TACC1: variants seen among roughly 807,000 people sequenced by gnomAD.
TACC1 encodes transforming acidic coiled-coil containing protein 1.
A neutral mutation model predicts 84.4 loss-of-function variants in TACC1; 48 were observed. The ratio of observed to expected loss-of-function variants is 0.57; its 90% CI spans 0.45 to 0.72. TACC1 has a LOEUF of 0.72. TACC1 is among the 30% of genes least tolerant of loss of function. TACC1 has a pLI of 0.00. For missense variants in TACC1, 920 were observed against 973.0 expected (o/e 0.95, Z 0.72); for synonymous variants, 372 against 376.3 (o/e 0.99, Z 0.13).
In TACC1 at chr8:38,774,470, A is replaced by T. The variant is rs550124548; in HGVS notation, c.27-14234A>T. 6.1e-4 allele frequency among the ~76,000 whole-genome samples: 93 copies of T among 152,266 alleles called. 1 individual carries two copies. In the South Asian group the frequency reaches 0.014, roughly 23 times the overall value. On this transcript the variant is annotated intron_variant, in intron 3 of 14. Transcript: ENST00000518415. ...GAACATATGTATTATTTTGCCTTAA[A>T]CACTAAAGGTATTTAAAAATACATT... is the stretch of plus-strand genomic sequence containing the variant.
At chr8:38,806,448 C>CTG (rs763243623) in intron 2 of TACC1, among the ~76,000 whole-genome samples, 2,192 of 149,936 alleles carry the variant, frequency 0.015, 25 homozygotes, top group African/African-American at 0.021. Flanking sequence ...CATGGTCTGC[C>CTG]TGTGTGTGTG....
intron 1 of TACC1, among the ~76,000 whole-genome samples, chr8:38,739,170 C>G (rs1468377705): frequency 2.0e-5 from 3 of 151,996 alleles, no homozygotes; most frequent in African/African-American, 7.3e-5. Context: ...GCCACTGCAC[C>G]CAGCCCATGT....
chr8:38,846,383 T>A (rs1832288897), intron 11 of TACC1: 1 of 174,600 alleles, frequency 5.7e-6, no homozygotes, highest in Non-Finnish European at 1.2e-5. Context: ...GTGGTTAGTA[T>A]CCCAACTCTA....
chr8:38,784,581 A>AT (rs992432598), upstream of TACC1, among the ~76,000 whole-genome samples: 2 of 151,826 alleles, frequency 1.3e-5, no homozygotes, highest in East Asian at 1.9e-4. Context: ...AAAAAAAAAA[A>AT]GTAAATTGCT....
chr8:38,848,117 C>CA lies in TACC1; in HGVS notation c.*95dup. On this transcript the variant is annotated 3_prime_UTR_variant, in exon 13 of 13. Transcript: ENST00000317827. ...TTATCCAGGAATAATTGCCCCTTTG[C>CA]AGAGAAAAAAAAAAACTTAAAAAAA... 8.1e-7 allele frequency: 1 copy of CA among 1,235,826 alleles called. No individual in the cohort carries two copies. Among genetic ancestry groups the CA allele is most frequent in the African/African-American group, 1.5e-5 (1 of 64,994 alleles). 76.6% of individuals were successfully genotyped at this position (1,235,826 alleles called of 1,614,324 possible). A position where few individuals can be genotyped will look rare whatever the true frequency, so the allele number is the denominator to read the frequency against.
chr8:38,812,453 G>A (rs547132725), intron 2 of TACC1, among the ~76,000 whole-genome samples: 166 of 152,142 alleles, frequency 1.1e-3, no homozygotes, highest in African/African-American at 3.6e-3. Flanking sequence ...CAGACTGGCC[G>A]ACACTTAGGA....
At chr8:38,835,249 G>A (rs1159742271) in intron 6 of TACC1, among the ~76,000 whole-genome samples, 18 of 146,878 alleles carry the variant, frequency 1.2e-4, no homozygotes, top group South Asian at 2.1e-4. Context: ...GTGAGACCCC[G>A]TCTCAAAAAA....
chr8:38,772,741 T>G (rs932951236), intron 3 of TACC1, among the ~76,000 whole-genome samples: 2 of 152,068 alleles, frequency 1.3e-5, no homozygotes, highest in African/African-American at 2.4e-5. Flanking sequence ...TGTTAAATGT[T>G]AATAAATGTA....
intron 1 of TACC1, among the ~76,000 whole-genome samples, chr8:38,739,680 T>C (rs1806697034): frequency 6.6e-6 from 1 of 152,278 alleles, no homozygotes; most frequent in Non-Finnish European, 1.5e-5. Context: ...TAAAGTTCTA[T>C]GTGTTTTGAC....
intron 2 of TACC1, among the ~76,000 whole-genome samples, chr8:38,799,390 A>G (rs1820807390): frequency 6.6e-6 from 1 of 152,248 alleles, no homozygotes; most frequent in South Asian, 2.1e-4. Context: ...TTGGACGCTC[A>G]GTTTCTGCTC....
chr8:38,822,530 A>G (rs1420030509), intron 3 of TACC1, among the ~76,000 whole-genome samples: 1 of 152,168 alleles, frequency 6.6e-6, no homozygotes, highest in East Asian at 1.9e-4. Context: ...AATTTATTTA[A>G]GTTTTTTTCC....
At chr8:38,800,575 T>C (rs1433699441) in intron 2 of TACC1, among the ~76,000 whole-genome samples, 1 of 152,240 alleles carries the variant, frequency 6.6e-6, no homozygotes, top group African/African-American at 2.4e-5. Context: ...AGCTATGTTG[T>C]AGCAAGTATC....
chr8:38,785,039 T>C (rs919353608), upstream of TACC1, among the ~76,000 whole-genome samples: 2 of 146,262 alleles, frequency 1.4e-5, no homozygotes, highest in African/African-American at 2.5e-5. Context: ...ATAGAAATGA[T>C]AGAAAGGAAG....
At chr8:38,736,488 C>T (rs964648978) in intron 1 of TACC1, among the ~76,000 whole-genome samples, 2 of 152,056 alleles carry the variant, frequency 1.3e-5, no homozygotes, top group African/African-American at 2.4e-5. Context: ...TGGTAGCACA[C>T]GCCTGTAGTC....
At chr8:38,780,620 TG>T (rs759034178) in intron 3 of TACC1, among the ~76,000 whole-genome samples, 4 of 142,014 alleles carry the variant, frequency 2.8e-5, no homozygotes, top group Non-Finnish European at 6.4e-5. Flanking sequence ...TTGTTGGTGT[TG>T]TTTTTTTTTG....
chr8:38,758,159 G>A (rs1487582784), intron 3 of TACC1, among the ~76,000 whole-genome samples: 1 of 152,134 alleles, frequency 6.6e-6, no homozygotes, highest in Admixed American at 6.5e-5. Context: ...TGGAATTGCA[G>A]CAGTGTCAGG....
intron 12 of TACC1, among the ~76,000 whole-genome samples, chr8:38,847,606 C>T (rs1184690681): frequency 2.6e-5 from 4 of 152,230 alleles, no homozygotes; most frequent in Non-Finnish European, 5.9e-5. Context: ...TCCAGCATCC[C>T]TAGATATGCT....
chr8:38,842,218 C>T, intron 9 of TACC1, 69 bp from the exon 10 acceptor site: 4 of 1,547,278 alleles, frequency 2.6e-6, no homozygotes, highest in Non-Finnish European at 1.7e-6. Context: ...CACGAGAACA[C>T]TGCTTGTCTT....
In TACC1 at chr8:38,814,366, C is replaced by T. The variant is rs563220191; in HGVS notation, c.278-5156C>T. Among the ~76,000 whole-genome samples the T allele has an allele frequency of 1.2e-4, 19 of 152,288 alleles. 1 individual carries two copies. The highest frequency in any genetic ancestry group is 3.9e-4 in the East Asian group (2 of 5,186). ...CACCATATAATGATGTTTTGATCAACGACTGACTGCATATATGATGTGATC... is the reference window on the plus strand; with the variant it reads ...CACCATATAATGATGTTTTGATCAATGACTGACTGCATATATGATGTGATC... On this transcript the variant is annotated intron_variant, in intron 2 of 12. Transcript: ENST00000317827.
Sources: gnomAD v4.1 joint callset for allele counts (sites outside exome capture counted in the v4.1 genomes callset) on GRCh38, gnomAD v4.1.1 for gene constraint, MANE v1.5 for transcripts, NCBI Gene and HGNC (gene_info 2026-07-23, HGNC 2026-07-21) for gene names.